The following CADM1 variants were observed in gnomAD, a reference collection of about 807,000 sequenced individuals.
CADM1 encodes the protein cell adhesion molecule 1.
CADM1 carries 15 observed loss-of-function variants against 53.1 expected under a neutral mutation model. The ratio of observed to expected loss-of-function variants is 0.28; its 90% CI spans 0.19 to 0.44. The LOEUF is 0.44. Among genes scored for constraint, CADM1 ranks in the 20% least tolerant of loss-of-function variants. CADM1 has a pLI of 1.00. For synonymous variants in CADM1, 281 were observed against 243.0 expected (o/e 1.16, Z -1.45); for missense variants, 434 against 611.3 (o/e 0.71, Z 3.06).
intron 1 of CADM1, among the ~76,000 whole-genome samples, chr11:115,379,792 A>G (rs1946529279): frequency 6.6e-6 from 1 of 152,204 alleles, no homozygotes; most frequent in Non-Finnish European, 1.5e-5. Flanking sequence ...TTATGAGTTT[A>G]TTGACACAAA....
chr11:115,450,094 T>C (rs1450719098), intron 1 of CADM1, among the ~76,000 whole-genome samples: 2 of 152,110 alleles, frequency 1.3e-5, no homozygotes, highest in African/African-American at 2.4e-5. Context: ...TGTCTTTCCA[T>C]ACAACATGAG....
Position 115,175,083 on chromosome 11 carries a change from G to A in CADM1, c.*1391C>T. ...GCTGAGGAAAGAGGCCAAGGCTAGT[G>A]TATGAAAGGTAAAAAGATAAAAACA... On this transcript the variant is annotated 3_prime_UTR_variant, in exon 12 of 12. Transcript: ENST00000331581. 3 of 985,858 alleles carry A rather than the reference G, an allele frequency of 3.0e-6. No individual in the cohort carries two copies. The highest frequency in any genetic ancestry group is 3.6e-6 in the Non-Finnish European group (3 of 829,932). 61.1% of individuals were successfully genotyped at this position (985,858 alleles called of 1,614,324 possible).
intron 10 of CADM1, among the ~76,000 whole-genome samples, chr11:115,182,623 G>A (rs1351515269): frequency 4.6e-5 from 7 of 152,238 alleles, no homozygotes; most frequent in Admixed American, 2.6e-4. Context: ...ATTGTGTATC[G>A]CTGTGTCACC....
At chr11:115,453,342 G>T (rs1249983178) in intron 1 of CADM1, among the ~76,000 whole-genome samples, 1 of 150,928 alleles carries the variant, frequency 6.6e-6, no homozygotes, top group Non-Finnish European at 1.5e-5. Flanking sequence ...TCCAGCTTGA[G>T]TGACAAGAGT....
At chr11:115,401,995 A>C (rs1367289566) in intron 1 of CADM1, among the ~76,000 whole-genome samples, 1 of 152,062 alleles carries the variant, frequency 6.6e-6, no homozygotes, top group Non-Finnish European at 1.5e-5. Context: ...CACCCCCACA[A>C]AAAAAAACCC....
chr11:115,350,508 T>C (rs930189699), intron 1 of CADM1, among the ~76,000 whole-genome samples: 21 of 126,674 alleles, frequency 1.7e-4, no homozygotes, highest in Non-Finnish European at 2.6e-4. Flanking sequence ...ATTCTTTTTT[T>C]CTTTTTTTTT....
At chr11:115,449,803 TAG>T (rs1948532057) in intron 1 of CADM1, among the ~76,000 whole-genome samples, 2 of 152,202 alleles carry the variant, frequency 1.3e-5, no homozygotes, top group East Asian at 1.9e-4. Flanking sequence ...CCAAACATTC[TAG>T]AGAGTTCAAC....
intron 1 of CADM1, among the ~76,000 whole-genome samples, chr11:115,493,245 G>A (rs932736253): frequency 4.8e-5 from 7 of 146,434 alleles, no homozygotes; most frequent in African/African-American, 1.8e-4. Context: ...CGATGGTAAT[G>A]AAACATACCA....
chr11:115,223,663 C>T (rs758397390), intron 5 of CADM1, among the ~76,000 whole-genome samples: 15 of 152,050 alleles, frequency 9.9e-5, no homozygotes, highest in Admixed American at 5.9e-4. Flanking sequence ...TGTATTTGCC[C>T]AACACTCACT....
intron 1 of CADM1, among the ~76,000 whole-genome samples, chr11:115,498,752 G>A (rs191309958): frequency 9.2e-5 from 14 of 152,262 alleles, no homozygotes; most frequent in Non-Finnish European, 1.6e-4. Flanking sequence ...CAAAAATTCG[G>A]TACATCCAGG....
intron 1 of CADM1, among the ~76,000 whole-genome samples, chr11:115,272,037 T>C (rs1035249319): frequency 6.6e-6 from 1 of 152,150 alleles, no homozygotes; most frequent in African/African-American, 2.4e-5. Context: ...TGGAAGGTCT[T>C]AAATGTTAGT....
chr11:115,190,873 A>G lies in CADM1; in HGVS notation c.1165+15T>C. ...GTTGGACACTGCAGTGCCTTACCTA[A>G]TGACTAGCCCTTACCTGAGAGGTCC... On this transcript the variant is annotated intron_variant, in intron 10 of 11. Coordinates refer to ENST00000331581, the MANE Select transcript of CADM1 (RefSeq NM_001301043.2). 1 of 1,591,954 alleles carries G rather than the reference A, an allele frequency of 6.3e-7. No homozygotes were observed. Among genetic ancestry groups the G allele is most frequent in the Non-Finnish European group, 8.5e-7 (1 of 1,176,600 alleles).
chr11:115,499,850 A>G (rs1361137091), intron 1 of CADM1, among the ~76,000 whole-genome samples: 1 of 152,236 alleles, frequency 6.6e-6, no homozygotes, highest in Non-Finnish European at 1.5e-5. Context: ...TTTAGTCCCA[A>G]AATGTTACAT....
intron 1 of CADM1, among the ~76,000 whole-genome samples, chr11:115,349,909 C>T (rs1251411110): frequency 6.6e-6 from 1 of 152,170 alleles, no homozygotes; most frequent in African/African-American, 2.4e-5. Context: ...CATGGCTTTA[C>T]ACCACATGGG....
intron 1 of CADM1, among the ~76,000 whole-genome samples, chr11:115,254,751 A>T (rs1258608999): frequency 6.6e-6 from 1 of 152,172 alleles, no homozygotes; most frequent in African/African-American, 2.4e-5. Context: ...ATTTGGAACA[A>T]TATGAAAAAT....
intron 1 of CADM1, among the ~76,000 whole-genome samples, chr11:115,425,903 C>T (rs1368463125): frequency 6.6e-6 from 1 of 152,180 alleles, no homozygotes; most frequent in South Asian, 2.1e-4. Context: ...TGGAGTTGGC[C>T]TTCACCTGTG....
chr11:115,177,503 T>G (rs1939091347), intron 11 of CADM1, among the ~76,000 whole-genome samples: 1 of 152,112 alleles, frequency 6.6e-6, no homozygotes, highest in Non-Finnish European at 1.5e-5. Flanking sequence ...GTTGAGACAT[T>G]TGCTATATTT....
intron 1 of CADM1, among the ~76,000 whole-genome samples, chr11:115,459,511 CAGAG>C (rs369530033): frequency 1.3e-5 from 2 of 151,060 alleles, no homozygotes; most frequent in African/African-American, 4.9e-5. Flanking sequence ...CTTTGCTTCC[CAGAG>C]AGAGAGAGAG....
At chr11:115,477,369 G>A (rs1477879911) in intron 1 of CADM1, among the ~76,000 whole-genome samples, 1 of 152,078 alleles carries the variant, frequency 6.6e-6, no homozygotes, top group Non-Finnish European at 1.5e-5. Flanking sequence ...CTCTTCCCAA[G>A]GACAAGAATC....
Sources: allele counts gnomAD v4.1 joint callset (sites outside exome capture counted in the v4.1 genomes callset), GRCh38; gene constraint gnomAD v4.1.1; transcripts MANE v1.5; gene names NCBI Gene and HGNC (gene_info 2026-07-23, HGNC 2026-07-21).